The following ATP2B2 variants were observed in gnomAD, a reference collection of about 807,000 sequenced individuals.
ATP2B2 encodes plasma membrane calcium-transporting ATPase 2.
In ATP2B2, 15 loss-of-function variants were observed where a neutral mutation model predicts 120.0. That is an observed-to-expected ratio of 0.12 (90% confidence interval 0.08 to 0.19). The LOEUF is 0.19. Ranked by LOEUF, ATP2B2 falls within the 10% of genes least tolerant of loss-of-function variation. The pLI is 1.00. For missense variants in ATP2B2, 1,045 were observed against 1,719.8 expected (o/e 0.61, Z 6.94); for synonymous variants, 694 against 700.3 (o/e 0.99, Z 0.14).
chr3:10,371,629 C>G (rs537862996), intron 12 of ATP2B2, among the ~76,000 whole-genome samples, 180 bp downstream of exon 12: 1 of 152,344 alleles, frequency 6.6e-6, no homozygotes, highest in African/African-American at 2.4e-5. Flanking sequence ...GTCACACAAA[C>G]ATTGTAGCAA....
At chr3:10,443,555 C>G (rs1035009389) in intron 2 of ATP2B2, among the ~76,000 whole-genome samples, 3 of 152,122 alleles carry the variant, frequency 2.0e-5, no homozygotes, top group African/African-American at 7.2e-5. Context: ...CCGAAGCTGC[C>G]GGAGCCCCCA....
intron 1 of ATP2B2, among the ~76,000 whole-genome samples, chr3:10,487,366 C>T (rs965392363): frequency 1.2e-4 from 18 of 152,166 alleles, no homozygotes; most frequent in African/African-American, 3.6e-4. Context: ...AAGCCCTGTG[C>T]TAGAAGGAGG....
At chr3:10,527,031 G>A (rs574884769) in intron 3 of ATP2B2, among the ~76,000 whole-genome samples, 17 of 152,322 alleles carry the variant, frequency 1.1e-4, no homozygotes, top group South Asian at 4.1e-4. Flanking sequence ...GGTCGAGAGC[G>A]TGTGTAAGCC....
At chr3:10,696,862 G>A (rs1241258704) in intron 1 of ATP2B2, among the ~76,000 whole-genome samples, 1 of 152,206 alleles carries the variant, frequency 6.6e-6, no homozygotes, top group African/African-American at 2.4e-5. Context: ...CAGGGTCCCT[G>A]CACCAAGGAG....
intron 1 of ATP2B2, among the ~76,000 whole-genome samples, chr3:10,464,090 G>A (rs1166051686): frequency 6.6e-6 from 1 of 152,166 alleles, no homozygotes; most frequent in Admixed American, 6.5e-5. Context: ...GTGTGACCAT[G>A]GGGGGGCCTG....
At chr3:10,661,578 C>T (rs1290073681) in intron 1 of ATP2B2, among the ~76,000 whole-genome samples, 1 of 152,136 alleles carries the variant, frequency 6.6e-6, no homozygotes, top group East Asian at 1.9e-4. Context: ...AACTACAAAC[C>T]ACTGCTCAAT....
chr3:10,541,268 G>A lies in ATP2B2; in HGVS notation c.-414-7135C>T, dbSNP rs183191458. On this transcript the variant is annotated intron_variant, in intron 2 of 21. Coordinates refer to the ATP2B2 transcript ENST00000646379. The stretch of plus-strand genomic sequence containing the variant: ...TCATTTTTTGGTTTTCAACTTTATC[G>A]ATTTCTACTCTTAACTTTATTATTT... Among the ~76,000 whole-genome samples, 609 of 151,944 alleles carry A rather than the reference G, an allele frequency of 4.0e-3. 3 individuals are homozygous for A. The highest frequency in any genetic ancestry group is 4.5e-3 in the Non-Finnish European group (306 of 67,948).
chr3:10,485,313 G>C (rs1324220630), intron 1 of ATP2B2, among the ~76,000 whole-genome samples: 1 of 152,250 alleles, frequency 6.6e-6, no homozygotes, highest in Non-Finnish European at 1.5e-5. Context: ...GAGGCTCAGA[G>C]AGGTGAGGTT....
intron 2 of ATP2B2, among the ~76,000 whole-genome samples, chr3:10,538,648 C>G (rs1006491763): frequency 2.0e-5 from 3 of 152,154 alleles, no homozygotes; most frequent in Admixed American, 6.5e-5. Flanking sequence ...TCAATAGATG[C>G]AGAAAAGGCC....
intron 1 of ATP2B2, among the ~76,000 whole-genome samples, chr3:10,671,300 C>T (rs886337769): frequency 6.6e-6 from 1 of 152,180 alleles, no homozygotes; most frequent in Non-Finnish European, 1.5e-5. Context: ...GTTCAGCTAT[C>T]GACTGCTCTG....
chr3:10,483,288 C>T (rs1190151057), intron 1 of ATP2B2, among the ~76,000 whole-genome samples: 3 of 152,234 alleles, frequency 2.0e-5, no homozygotes, highest in Admixed American at 6.5e-5. Context: ...TAATGACTGG[C>T]GTAGGTCCCA....
At chr3:10,438,104 A>C (rs114767131) in intron 2 of ATP2B2, among the ~76,000 whole-genome samples, 3 of 152,106 alleles carry the variant, frequency 2.0e-5, no homozygotes, top group African/African-American at 7.2e-5. Context: ...CCCCTGGCCC[A>C]TACCCACTGT....
At chr3:10,502,915 C>T (rs1282453335) in intron 1 of ATP2B2, among the ~76,000 whole-genome samples, 1 of 152,252 alleles carries the variant, frequency 6.6e-6, no homozygotes, top group Non-Finnish European at 1.5e-5. Context: ...CACATGCCAG[C>T]TGTGTGACCT....
chr3:10,555,730 G>A (rs1184194157), intron 2 of ATP2B2, among the ~76,000 whole-genome samples: 35 of 152,326 alleles, frequency 2.3e-4, no homozygotes. Flanking sequence ...GATGCTGTGT[G>A]GGAAGGGTTC....
chr3:10,530,304 C>T (rs1194469619), intron 3 of ATP2B2, among the ~76,000 whole-genome samples: 1 of 152,208 alleles, frequency 6.6e-6, no homozygotes, highest in African/African-American at 2.4e-5. Context: ...CTTCCGACAT[C>T]CTCAAAAAGG....
chr3:10,449,745 G>C lies in ATP2B2; in HGVS notation c.-202C>G. On this transcript the variant is annotated 5_prime_UTR_variant, in exon 2 of 23. Transcript: ENST00000360273. ...GGTGAGCTCCAAGAGGTGTCCTCCG[G>C]TGTGGGACGAGGTCCAGGGGCCGGA... 1 of 665,850 alleles carries C rather than the reference G, an allele frequency of 1.5e-6. No homozygotes were observed. Among genetic ancestry groups the C allele is most frequent in the South Asian group, 1.7e-5 (1 of 59,568 alleles). 41.2% of individuals were successfully genotyped at this position (665,850 alleles called of 1,614,324 possible).
intron 2 of ATP2B2, among the ~76,000 whole-genome samples, chr3:10,433,777 G>C (rs2063394712): frequency 6.6e-6 from 1 of 152,188 alleles, no homozygotes; most frequent in African/African-American, 2.4e-5. Flanking sequence ...CTGATGCTCA[G>C]GATAAATGTC....
intron 1 of ATP2B2, among the ~76,000 whole-genome samples, chr3:10,670,971 TAA>T (rs2125691660): frequency 6.6e-6 from 1 of 152,322 alleles, no homozygotes; most frequent in East Asian, 1.9e-4. Context: ...ATGGAGGCTG[TAA>T]AAGAGTTTTC....
chr3:10,528,287 A>G (rs1238394809), intron 3 of ATP2B2, among the ~76,000 whole-genome samples: 1 of 152,112 alleles, frequency 6.6e-6, no homozygotes, highest in Non-Finnish European at 1.5e-5. Context: ...GGAAGCTTCC[A>G]CTGAAACAAG....
Sources: gnomAD v4.1 joint callset for allele counts (sites outside exome capture counted in the v4.1 genomes callset) on GRCh38, gnomAD v4.1.1 for gene constraint, MANE v1.5 for transcripts, NCBI Gene and HGNC (gene_info 2026-07-23, HGNC 2026-07-21) for gene names.